Variants in HSP90AA1 observed in about 807,000 individuals in gnomAD.
HSP90AA1 encodes the protein heat shock protein 90 alpha family class A member 1.
HSP90AA1 carries 18 observed loss-of-function variants against 73.3 expected under a neutral mutation model. That is an observed-to-expected ratio of 0.25 (90% CI 0.17 to 0.36). The LOEUF (loss-of-function observed/expected upper bound fraction) is 0.36. Ranked by LOEUF, HSP90AA1 falls within the 10% of genes least tolerant of loss-of-function variation. The pLI, the probability that HSP90AA1 is intolerant of heterozygous loss-of-function variation, is 1.00. For synonymous variants in HSP90AA1, 477 were observed against 296.9 expected, an observed-to-expected ratio of 1.61 and a Z score of -6.24; for missense variants, 704 against 874.2, an observed-to-expected ratio of 0.81 and a Z score of 2.45.
upstream of HSP90AA1, chr14:102,087,045 G>A (rs1055141516): frequency 1.0e-6 from 1 of 985,286 alleles, no homozygotes; most frequent in African/African-American, 1.7e-5. Flanking sequence ...TGAAGCAACT[G>A]ACGCGCCACC....
At position 102,104,785 on chromosome 14, in the gene HSP90AA1, C is replaced by G. The variant is rs144666946; in HGVS notation, c.156-2700G>C. 4.6e-5 allele frequency among the ~76,000 whole-genome samples: 7 copies of G among 152,116 alleles called. No homozygotes were observed. In the East Asian group the frequency reaches 1.4e-3, roughly 29 times the overall value. ...AGCCTCTGATAACCATCATTCTACT[C>G]TCTACCTCTTTTTTAGCTCTCACAT... On this transcript the variant is annotated intron_variant, in intron 1 of 11. Transcript: ENST00000334701.
chr14:102,091,998 TC>T (rs1042717423), upstream of HSP90AA1, among the ~76,000 whole-genome samples: 2 of 151,976 alleles, frequency 1.3e-5, no homozygotes, highest in African/African-American at 4.8e-5. Context: ...TCCTTTTATT[TC>T]TTGACTCATG....
upstream of HSP90AA1, among the ~76,000 whole-genome samples, chr14:102,087,630 G>C (rs1028332164): frequency 6.6e-6 from 1 of 152,182 alleles, no homozygotes; most frequent in Non-Finnish European, 1.5e-5. Flanking sequence ...GCGGGGCTCT[G>C]CCCTCTGGGG....
chr14:102,092,259 T>C (rs926940791), intron 2 of HSP90AA1, among the ~76,000 whole-genome samples: 3 of 151,884 alleles, frequency 2.0e-5, no homozygotes, highest in African/African-American at 7.3e-5. Context: ...TTAGTAGAGA[T>C]GGGCTTTCAC....
upstream of HSP90AA1, among the ~76,000 whole-genome samples, chr14:102,088,894 T>C (rs1178848774): frequency 3.4e-5 from 2 of 58,002 alleles, no homozygotes; most frequent in African/African-American, 7.0e-5. Context: ...TCTGACGTTC[T>C]TTTTTTTCTT....
chr14:102,083,555 A>G lies in HSP90AA1; in HGVS notation c.1477T>C (p.Tyr493His), dbSNP rs762899261. ...CATAGTGTTCTCTTACCTGTGATAT[A>G]ATAGATATGTTTCTGGTTCTCCTTC... ...RMKENQKHIY[Y>H]ITGETKDQVA... Residue 493 changes from tyrosine to histidine, a missense_variant, in exon 8 of 11, where the codon TAT becomes CAT. Tyr to His is a moderately conservative substitution (Grantham distance 83). Coordinates refer to ENST00000216281, the MANE Select transcript of HSP90AA1 (RefSeq NM_005348.4). The G allele has an allele frequency of 1.5e-5, 24 of 1,613,544 alleles. No homozygotes were observed. Among genetic ancestry groups the G allele is most frequent in the Non-Finnish European group, 2.0e-5 (24 of 1,179,750 alleles).
At chr14:102,112,850 G>C (rs964046981) in intron 1 of HSP90AA1, among the ~76,000 whole-genome samples, 1 of 152,046 alleles carries the variant, frequency 6.6e-6, no homozygotes, top group Non-Finnish European at 1.5e-5. Flanking sequence ...TATTCAAGAG[G>C]TTTTTTATTT....
upstream of HSP90AA1, chr14:102,139,691 G>A (rs1193076100): frequency 4.4e-6 from 3 of 679,882 alleles, no homozygotes; most frequent in African/African-American, 1.8e-5. Flanking sequence ...ACACCCGGGG[G>A]AGGAGCCTGC....
chr14:102,084,332 C>T, intron 6 of HSP90AA1, 67 bp downstream of exon 6: 1 of 1,459,786 alleles, frequency 6.9e-7, no homozygotes, highest in Non-Finnish European at 9.6e-7. Context: ...AGGTGTGAGC[C>T]ACCATGCCCA....
rs144033670 is a variant in HSP90AA1, at chr14:102,113,134, C to T, written c.156-11049G>A. On this transcript the variant is annotated intron_variant, in intron 1 of 11. Coordinates refer to the HSP90AA1 transcript ENST00000334701. ...TGCCTCCCGGGTTCAAGCGATTCTC[C>T]TGCCTCAATCTCCCAAGTAGCTGGG... 4.0e-3 allele frequency among the ~76,000 whole-genome samples: 608 copies of T among 152,060 alleles called. 9 individuals carry two copies. The East Asian group carries it at 0.048, about 12-fold the overall frequency.
rs1466504094 is a variant in HSP90AA1 at position 102,136,600 on chromosome 14, G to A, written c.155+2650C>T. Among the ~76,000 whole-genome samples the A allele has an allele frequency of 1.1e-4, 15 of 142,244 alleles. No homozygotes were observed. In the East Asian group the frequency reaches 3.0e-3, roughly 28 times the overall value. 93.3% of individuals were successfully genotyped at this position (142,244 alleles called of 152,430 possible). A position where few individuals can be genotyped will look rare whatever the true frequency, so the allele number is the denominator to read the frequency against. On this transcript the variant is annotated intron_variant, in intron 1 of 11. Transcript: ENST00000334701. ...AAAAAAAAAAAAAAAAGAAATACCC[G>A]GTTTGGGCCGGGCGCGGTGGCTCAC...
Position 102,085,936 on chromosome 14 carries a change from C to T in HSP90AA1, c.351G>A (p.Ala117=), listed in dbSNP as rs761099536. 1.2e-6 allele frequency: 2 copies of T among 1,613,916 alleles called. No individual in the cohort carries two copies. The highest frequency in any genetic ancestry group is 4.5e-5 in the East Asian group (2 of 44,892). Residue 117 remains alanine, a synonymous_variant, in exon 3 of 11, where the codon GCG becomes GCA. Transcript: ENST00000216281. ...LGTIAKSGTK[A]FMEALQAGAD... is the part of the protein sequence containing the mutation. ...CACCAGCCTGCAAAGCTTCCATGAACGCTTTGGTCCCAGACTTGGCGATAG... is the reference window on the plus strand; with the variant it reads ...CACCAGCCTGCAAAGCTTCCATGAATGCTTTGGTCCCAGACTTGGCGATAG...
chr14:102,082,373 G>A lies in HSP90AA1; in HGVS notation c.1827C>T (p.Asn609=). Residue 609 remains asparagine (N), a synonymous_variant, in exon 10 of 11, where the codon AAC becomes AAT. Transcript: ENST00000216281. ...CTTGAGCTTTCATGATTCTCTCCAT[G>A]TTTGCTGTCCAGCCATATGTGCTTG... ...IVTSTYGWTA[N]MERIMKAQAL... is the part of the protein sequence containing the mutation. 2 of 1,613,958 alleles carry A rather than the reference G, an allele frequency of 1.2e-6. No individual in the cohort carries two copies. The highest frequency in any genetic ancestry group is 1.7e-6 in the Non-Finnish European group (2 of 1,179,914).
intron 6 of HSP90AA1, 23 bp downstream of exon 6, chr14:102,084,376 T>C: frequency 6.2e-7 from 1 of 1,605,286 alleles, no homozygotes; most frequent in Non-Finnish European, 8.5e-7. Context: ...GTGACAGTGA[T>C]TATTTTTCCT....
Position 102,083,161 on chromosome 14 carries a change from G to A in HSP90AA1, c.1628C>T (p.Ser543Leu). The A allele has an allele frequency of 1.2e-6, 2 of 1,613,852 alleles. No homozygotes were observed. The highest frequency in any genetic ancestry group is 1.7e-6 in the Non-Finnish European group (2 of 1,179,910). Reference sequence around the variant, plus strand: ...AAGTTCCAGGCCTTCTTTGGTGACTGACACTAAAGTCTTCCCCTCAAATTC... The same window carrying A: ...AAGTTCCAGGCCTTCTTTGGTGACTAACACTAAAGTCTTCCCCTCAAATTC... ...LKEFEGKTLV[S>L]VTKEGLELPE... is the part of the protein sequence containing the mutation. The change falls in exon 9 of 11, where the codon TCA becomes TTA. Residue 543 changes from serine (S) to leucine (L), a missense_variant. Ser to Leu is a moderately radical substitution (Grantham distance 145). Transcript: ENST00000216281.
intron 1 of HSP90AA1, among the ~76,000 whole-genome samples, chr14:102,136,567 CAAAAAAA>C (rs1165638280): frequency 9.4e-5 from 5 of 53,244 alleles, no homozygotes; most frequent in African/African-American, 1.7e-4. Flanking sequence ...AGACTCGTCT[CAAAAAAA>C]AAAAAAAAAA....
At chr14:102,132,446 C>G (rs951264214) in intron 1 of HSP90AA1, among the ~76,000 whole-genome samples, 2 of 152,122 alleles carry the variant, frequency 1.3e-5, no homozygotes, top group African/African-American at 4.8e-5. Context: ...ACTCAGGAGG[C>G]TGGGACAGGA....
At chr14:102,086,426 G>C in intron 1 of HSP90AA1, 48 bp from the exon 2 acceptor site, 1 of 1,598,618 alleles carries the variant, frequency 6.3e-7, no homozygotes, top group Non-Finnish European at 8.6e-7. Context: ...CGTCTACAGA[G>C]GCAACACGAA....
At chr14:102,139,229 A>G (rs1337424236) in intron 1 of HSP90AA1, 1 of 1,613,786 alleles carries the variant, frequency 6.2e-7, no homozygotes, top group Non-Finnish European at 8.5e-7. Context: ...AGTGAAGCGT[A>G]AATCTTGAGT....
Sources: allele counts gnomAD v4.1 joint callset (sites outside exome capture counted in the v4.1 genomes callset), GRCh38; gene constraint gnomAD v4.1.1; transcripts MANE v1.5; gene names NCBI Gene and HGNC (gene_info 2026-07-23, HGNC 2026-07-21).